Variants in EFCAB11 observed in about 807,000 individuals in gnomAD.
EFCAB11 encodes the protein EF-hand calcium binding domain 11, also known as EF-hand calcium-binding domain-containing protein 11.
EFCAB11 carries 14 observed loss-of-function variants against 23.0 expected under a neutral mutation model. The ratio of observed to expected loss-of-function variants is 0.61; its 90% CI spans 0.40 to 0.95. The LOEUF is 0.95. Among genes scored for constraint, EFCAB11 ranks in the 40% least tolerant of loss-of-function variants. The pLI is 0.00. For synonymous variants in EFCAB11, 65 were observed against 66.6 expected (o/e 0.98, Z 0.11); for missense variants, 198 against 195.8 (o/e 1.01, Z -0.07).
At chr14:89,875,046 C>T (rs1024794234) in intron 5 of EFCAB11, among the ~76,000 whole-genome samples, 4 of 152,166 alleles carry the variant, frequency 2.6e-5, no homozygotes, top group Admixed American at 1.3e-4. Flanking sequence ...CACATGCAGC[C>T]GTGGACATCT....
At chr14:89,949,059 T>C (rs12101181) in intron 3 of EFCAB11, among the ~76,000 whole-genome samples, 14,459 of 152,170 alleles carry the variant, frequency 0.095, 1,776 homozygotes, top group African/African-American at 0.29. Flanking sequence ...TGACTATTAA[T>C]ACCTAGTATT....
intron 5 of EFCAB11, among the ~76,000 whole-genome samples, chr14:89,843,401 GT>G (rs1887332757): frequency 6.6e-6 from 1 of 152,080 alleles, no homozygotes; most frequent in Non-Finnish European, 1.5e-5. Context: ...ATTTTTGTAA[GT>G]CTTTTATGTG....
At chr14:89,951,148 C>T (rs184095989) in intron 2 of EFCAB11, among the ~76,000 whole-genome samples, 88 of 152,280 alleles carry the variant, frequency 5.8e-4, no homozygotes, top group African/African-American at 1.7e-3. Flanking sequence ...TATTATTTAA[C>T]GAGTGAATGC....
intron 5 of EFCAB11, among the ~76,000 whole-genome samples, chr14:89,901,438 A>C (rs1169876428): frequency 6.6e-6 from 1 of 152,218 alleles, no homozygotes; most frequent in Non-Finnish European, 1.5e-5. Flanking sequence ...AGCCTATCAC[A>C]ATTTCATCTG....
intron 3 of EFCAB11, 32 bp from the exon 4 acceptor site, chr14:89,932,659 G>T (rs1191980003): frequency 3.3e-6 from 5 of 1,521,710 alleles, no homozygotes; most frequent in African/African-American, 2.7e-5. Context: ...ATTTGTCAAA[G>T]ATTATTGTCT....
At chr14:89,870,524 T>C (rs1252976075) in intron 5 of EFCAB11, among the ~76,000 whole-genome samples, 1 of 152,204 alleles carries the variant, frequency 6.6e-6, no homozygotes, top group Non-Finnish European at 1.5e-5. Context: ...AAATGTATTA[T>C]GTAATAGTTA....
At chr14:89,838,284 T>C (rs572030405) in intron 5 of EFCAB11, among the ~76,000 whole-genome samples, 7 of 152,050 alleles carry the variant, frequency 4.6e-5, no homozygotes, top group Non-Finnish European at 1.0e-4. Flanking sequence ...ATCAGAAAGT[T>C]GTGAAATAAA....
In EFCAB11 at chr14:89,919,681, T is replaced by C. The variant is rs529438552; in HGVS notation, c.410+11860A>G. Among the ~76,000 whole-genome samples, 233 of 152,278 alleles carry C rather than the reference T, an allele frequency of 1.5e-3. 1 individual carries two copies. Among genetic ancestry groups the C allele is most frequent in the African/African-American group, 5.3e-3 (222 of 41,540 alleles). On this transcript the variant is annotated intron_variant, in intron 5 of 5. Transcript: ENST00000316738. Reference sequence around the variant, plus strand: ...GAGTAAAGGGTATTAGTATTAGTACTTGTTCTGCCTTTCCTGGGGCTGGCT... The same window carrying C: ...GAGTAAAGGGTATTAGTATTAGTACCTGTTCTGCCTTTCCTGGGGCTGGCT...
At chr14:89,896,500 G>A (rs566494623) in intron 5 of EFCAB11, among the ~76,000 whole-genome samples, 42 of 152,304 alleles carry the variant, frequency 2.8e-4, no homozygotes, top group Middle Eastern at 6.8e-3. Flanking sequence ...TTGGCATTAT[G>A]ATATTCCAGC....
intron 5 of EFCAB11, among the ~76,000 whole-genome samples, chr14:89,833,525 A>G (rs1886956781): frequency 6.6e-6 from 1 of 152,214 alleles, no homozygotes; most frequent in African/African-American, 2.4e-5. Context: ...CTTCATTTCA[A>G]TGAAAAGAGA....
chr14:89,812,260 T>A (rs1465086567), intron 5 of EFCAB11, among the ~76,000 whole-genome samples: 1 of 152,242 alleles, frequency 6.6e-6, no homozygotes, highest in Non-Finnish European at 1.5e-5. Flanking sequence ...ATGTGTTGAA[T>A]TTATATAAAG....
chr14:89,912,640 T>C (rs1461211674), intron 5 of EFCAB11, among the ~76,000 whole-genome samples: 1 of 152,240 alleles, frequency 6.6e-6, no homozygotes, highest in Non-Finnish European at 1.5e-5. Flanking sequence ...TAGGAATATT[T>C]AAATTCTCCC....
At chr14:89,917,523 T>C (rs1362099728) in intron 5 of EFCAB11, among the ~76,000 whole-genome samples, 1 of 152,214 alleles carries the variant, frequency 6.6e-6, no homozygotes, top group African/African-American at 2.4e-5. Context: ...TTTCCATATC[T>C]CGGCTATTGT....
At chr14:89,804,125 T>C (rs577657433) in intron 5 of EFCAB11, among the ~76,000 whole-genome samples, 14 of 152,322 alleles carry the variant, frequency 9.2e-5, no homozygotes, top group Admixed American at 5.9e-4. Flanking sequence ...AGTAGCAGTA[T>C]CTTTTGCTGT....
At chr14:89,872,836 C>T (rs990427991) in intron 5 of EFCAB11, among the ~76,000 whole-genome samples, 1 of 149,372 alleles carries the variant, frequency 6.7e-6, no homozygotes, top group African/African-American at 2.5e-5. Flanking sequence ...TGACCGTATC[C>T]TTATAAGAAG....
At chr14:89,933,758 A>G (rs1192340699) in intron 3 of EFCAB11, among the ~76,000 whole-genome samples, 1 of 152,212 alleles carries the variant, frequency 6.6e-6, no homozygotes, top group Non-Finnish European at 1.5e-5. Context: ...GTTCAACTGC[A>G]AATGCACACC....
intron 5 of EFCAB11, among the ~76,000 whole-genome samples, chr14:89,835,877 C>T (rs1177688902): frequency 6.6e-6 from 1 of 151,346 alleles, no homozygotes; most frequent in Non-Finnish European, 1.5e-5. Context: ...ATCTACCTGC[C>T]TCGGCCTCCC....
At chr14:89,813,921 A>C (rs763736983) in intron 5 of EFCAB11, among the ~76,000 whole-genome samples, 1 of 152,194 alleles carries the variant, frequency 6.6e-6, no homozygotes, top group Admixed American at 6.5e-5. Context: ...GAAGGAATGC[A>C]GTTCCAGGGT....
At chr14:89,936,645 G>A (rs940101418) in intron 3 of EFCAB11, among the ~76,000 whole-genome samples, 2 of 152,034 alleles carry the variant, frequency 1.3e-5, no homozygotes, top group Non-Finnish European at 2.9e-5. Flanking sequence ...ATCTTCTAAC[G>A]CAACATTTAT....
Sources: allele counts gnomAD v4.1 joint callset (sites outside exome capture counted in the v4.1 genomes callset), GRCh38; gene constraint gnomAD v4.1.1; transcripts MANE v1.5; gene names NCBI Gene and HGNC (gene_info 2026-07-23, HGNC 2026-07-21).